The following CDK8 variants were observed in gnomAD, a reference collection of about 807,000 sequenced individuals.
The protein encoded by CDK8 is cyclin dependent kinase 8, also known as cyclin-dependent kinase 8.
CDK8 carries 29 observed loss-of-function variants against 71.5 expected under a neutral mutation model. The ratio of observed to expected loss-of-function variants is 0.41; its 90% CI spans 0.30 to 0.55. CDK8 has a LOEUF of 0.55. Among genes scored for constraint, CDK8 ranks in the 20% least tolerant of loss-of-function variants. The pLI, the probability that CDK8 is intolerant of heterozygous loss-of-function variation, is 0.37. For synonymous variants in CDK8, 161 were observed against 192.1 expected (o/e 0.84, Z 1.34); for missense variants, 288 against 572.6 (o/e 0.50, Z 5.07).
intron 2 of CDK8, among the ~76,000 whole-genome samples, chr13:26,348,851 A>G (rs1454599271): frequency 1.3e-5 from 2 of 152,146 alleles, no homozygotes; most frequent in Non-Finnish European, 2.9e-5. Flanking sequence ...CCAAACAACA[A>G]CAAAATAGAT....
rs537560573 is a variant in CDK8, at chr13:26,263,143, G to GTT, written c.128+8383_128+8384dup. ...AGGAGTAGGTTTTTTTTGTTTTTCG[G>GTT]TTTTTTTTTTGAGACGGAGTCTCGC... On this transcript the variant is annotated intron_variant, in intron 1 of 12. Transcript: ENST00000381527. Among the ~76,000 whole-genome samples, 1,033 of 149,274 alleles carry GTT rather than the reference G, an allele frequency of 6.9e-3. 7 individuals are homozygous for GTT. The highest frequency in any genetic ancestry group is 0.024 in the Middle Eastern group (7 of 290).
intron 1 of CDK8, among the ~76,000 whole-genome samples, chr13:26,312,780 G>A (rs1411405812): frequency 6.6e-6 from 1 of 152,150 alleles, no homozygotes; most frequent in African/African-American, 2.4e-5. Flanking sequence ...TTGCTTCTGT[G>A]CCTATCTCGT....
intron 1 of CDK8, among the ~76,000 whole-genome samples, chr13:26,307,852 G>A (rs1874114323): frequency 6.6e-6 from 1 of 152,110 alleles, no homozygotes; most frequent in African/African-American, 2.4e-5. Flanking sequence ...AAAAAAAAGT[G>A]TTAGCACTTG....
chr13:26,336,177 A>G (rs1410707054), intron 1 of CDK8, among the ~76,000 whole-genome samples: 1 of 152,086 alleles, frequency 6.6e-6, no homozygotes, highest in African/African-American at 2.4e-5. Flanking sequence ...AAGTGATCAG[A>G]GTGTGATCCT....
chr13:26,399,393 C>T (rs575957185), intron 9 of CDK8, among the ~76,000 whole-genome samples: 56 of 152,230 alleles, frequency 3.7e-4, no homozygotes, highest in Middle Eastern at 3.4e-3. Context: ...CATGTAGGGC[C>T]ATGTTGGAAA....
chr13:26,263,070 T>C (rs1871843466), intron 1 of CDK8, among the ~76,000 whole-genome samples: 1 of 152,192 alleles, frequency 6.6e-6, no homozygotes. Flanking sequence ...ACTTGTCAAG[T>C]CGTGCTAATG....
In CDK8 at chr13:26,404,138, G is replaced by C; in HGVS notation, c.*57G>C. ...CGAATGCTGCAGGGCTGACTGTGCA[G>C]CTCTCTGCGGGAACCTGGTATGGGC... On this transcript the variant is annotated 3_prime_UTR_variant, in exon 13 of 13. Coordinates refer to ENST00000381527, the MANE Select transcript of CDK8 (RefSeq NM_001260.3). 12 of 1,594,546 alleles carry C rather than the reference G, an allele frequency of 7.5e-6. No homozygotes were observed. The highest frequency in any genetic ancestry group is 1.3e-5 in the African/African-American group (1 of 74,754).
chr13:26,370,122 TAG>T (rs1874596896), intron 4 of CDK8, among the ~76,000 whole-genome samples: 1 of 152,200 alleles, frequency 6.6e-6, no homozygotes, highest in Non-Finnish European at 1.5e-5. Flanking sequence ...TAAATTGTTC[TAG>T]AGTTGTGTAA....
intron 1 of CDK8, among the ~76,000 whole-genome samples, chr13:26,297,363 A>G (rs1873606195): frequency 6.6e-6 from 1 of 152,224 alleles, no homozygotes; most frequent in South Asian, 2.1e-4. Flanking sequence ...GAAGATAGCT[A>G]GGAAGATAAA....
At chr13:26,292,521 TA>T (rs1873350626) in intron 1 of CDK8, among the ~76,000 whole-genome samples, 2 of 152,214 alleles carry the variant, frequency 1.3e-5, no homozygotes, top group South Asian at 4.1e-4. Flanking sequence ...GGGCATGAAC[TA>T]AAATCTGCTC....
chr13:26,275,724 T>C (rs1033095932), intron 1 of CDK8, among the ~76,000 whole-genome samples: 1 of 152,238 alleles, frequency 6.6e-6, no homozygotes, highest in Non-Finnish European at 1.5e-5. Context: ...GTCGTAAACT[T>C]TCTGCATTTC....
At chr13:26,398,940 GCAA>G (rs1277677374) in intron 9 of CDK8, among the ~76,000 whole-genome samples, 5 of 147,936 alleles carry the variant, frequency 3.4e-5, no homozygotes, top group African/African-American at 1.3e-4. Flanking sequence ...CTCTAGCCTG[GCAA>G]CAAAGCAAGA....
At chr13:26,320,634 A>G (rs1370182138) in intron 1 of CDK8, among the ~76,000 whole-genome samples, 1 of 152,196 alleles carries the variant, frequency 6.6e-6, no homozygotes, top group Non-Finnish European at 1.5e-5. Flanking sequence ...CATATCTGAT[A>G]AGGGATTAAT....
rs554508246 is a variant in CDK8, at chr13:26,349,322, C to T, written c.315+140C>T. 155 of 602,248 alleles carry T rather than the reference C, an allele frequency of 2.6e-4. No homozygotes were observed. In the African/African-American group the frequency reaches 2.7e-3, roughly 11 times the overall value. The allele number at this position is 602,248 out of a possible 1,614,324, so 37.3% of individuals were successfully genotyped here. A position where few individuals can be genotyped will look rare whatever the true frequency, so the allele number is the denominator to read the frequency against. Reference sequence around the variant, plus strand: ...TCATAGAGTGTGGTTGGTGGCATGACGAAGGCTAGAGTATTTGACTTTGTA... The same window carrying T: ...TCATAGAGTGTGGTTGGTGGCATGATGAAGGCTAGAGTATTTGACTTTGTA... On this transcript the variant is annotated intron_variant, in intron 3 of 12. Transcript: ENST00000381527.
At chr13:26,349,559 G>T (rs962374855) in intron 3 of CDK8, among the ~76,000 whole-genome samples, 16 of 152,142 alleles carry the variant, frequency 1.1e-4, no homozygotes, top group African/African-American at 3.9e-4. Context: ...AAATGAGAAG[G>T]TGGTATCCTC....
chr13:26,304,474 A>G (rs892317657), intron 1 of CDK8, among the ~76,000 whole-genome samples: 3 of 151,504 alleles, frequency 2.0e-5, no homozygotes, highest in Admixed American at 6.6e-5. Flanking sequence ...TCCTCCTCCT[A>G]TTAACTTGGA....
intron 6 of CDK8, among the ~76,000 whole-genome samples, chr13:26,392,428 AG>A (rs1452996596): frequency 2.7e-5 from 4 of 150,124 alleles, no homozygotes; most frequent in Non-Finnish European, 5.9e-5. Flanking sequence ...CCCGGGTTCA[AG>A]CAATTCTCCT....
chr13:26,271,620 C>T (rs1053498337), intron 1 of CDK8, among the ~76,000 whole-genome samples: 3 of 151,648 alleles, frequency 2.0e-5, no homozygotes, highest in Non-Finnish European at 2.9e-5. Flanking sequence ...CCAGCCTGGG[C>T]AGTATACTTG....
intron 2 of CDK8, among the ~76,000 whole-genome samples, chr13:26,338,176 A>G (rs1873072027): frequency 6.6e-6 from 1 of 152,100 alleles, no homozygotes; most frequent in African/African-American, 2.4e-5. Context: ...ATAGTTATCC[A>G]TACATTTAAA....
Sources: allele counts gnomAD v4.1 joint callset (sites outside exome capture counted in the v4.1 genomes callset), GRCh38; gene constraint gnomAD v4.1.1; transcripts MANE v1.5; gene names NCBI Gene and HGNC (gene_info 2026-07-23, HGNC 2026-07-21).